WWC1: variants seen among roughly 807,000 people sequenced by gnomAD.
WWC1 encodes the protein WW and C2 domain containing 1, also known as protein KIBRA.
In WWC1, 55 loss-of-function variants were observed where a neutral mutation model predicts 138.4. That is an observed-to-expected ratio of 0.40 (90% confidence interval 0.32 to 0.50). The LOEUF (loss-of-function observed/expected upper bound fraction) is 0.50, where lower values mean the gene tolerates loss of function less well. Ranked by LOEUF, WWC1 falls within the 20% of genes least tolerant of loss-of-function variation. The pLI is 0.72. For synonymous variants in WWC1, 524 were observed against 564.9 expected (o/e 0.93, Z 1.03); for missense variants, 1,226 against 1,420.4 (o/e 0.86, Z 2.20).
rs560365430 is a variant in WWC1, at chr5:168,339,904, TC to T, written c.120-31519del. On this transcript the variant is annotated intron_variant, in intron 1 of 22. Transcript: ENST00000265293. Reference sequence around the variant, plus strand: ...CTCTCCCTCTCTCTCTGTCTCTCTCTCTTTCTCTCTCTCTCTCTCTTTCTCT... The same window carrying T: ...CTCTCCCTCTCTCTCTGTCTCTCTCTTTTCTCTCTCTCTCTCTCTTTCTCT... Among the ~76,000 whole-genome samples the T allele has an allele frequency of 5.4e-4, 45 of 84,062 alleles. 1 individual carries two copies. Among genetic ancestry groups the T allele is most frequent in the Middle Eastern group, 5.6e-3 (1 of 178 alleles). The allele number at this position is 84,062 out of a possible 152,430, so 55.1% of individuals were successfully genotyped here.
At chr5:168,410,217 T>G in intron 8 of WWC1, 2 of 523,878 alleles carry the variant, frequency 3.8e-6, no homozygotes, top group Non-Finnish European at 6.7e-6. Context: ...AACTATGCTT[T>G]GAACCCAGAT....
At chr5:168,297,768 A>G (rs1936641591) in intron 1 of WWC1, among the ~76,000 whole-genome samples, 1 of 152,184 alleles carries the variant, frequency 6.6e-6, no homozygotes. Flanking sequence ...ACTAAAAGTC[A>G]GATCTATGTC....
chr5:168,300,581 GA>G (rs111744543), intron 1 of WWC1, among the ~76,000 whole-genome samples: 40,192 of 137,094 alleles, frequency 0.29, 5,631 homozygotes, highest in Admixed American at 0.37. Flanking sequence ...TGGTCAGCCA[GA>G]AAAAAAAAAA....
intron 15 of WWC1, among the ~76,000 whole-genome samples, chr5:168,436,863 C>CT (rs1782390991): frequency 1.3e-5 from 2 of 152,242 alleles, no homozygotes; most frequent in African/African-American, 2.4e-5. Flanking sequence ...TCCCCTTCCT[C>CT]TTTTTTCAAC....
chr5:168,465,585 G>A (rs1463326759), intron 21 of WWC1, among the ~76,000 whole-genome samples: 1 of 55,530 alleles, frequency 1.8e-5, no homozygotes, highest in Non-Finnish European at 3.4e-5. Flanking sequence ...TTGGAGATGG[G>A]TTTTCTCTCT....
intron 1 of WWC1, among the ~76,000 whole-genome samples, chr5:168,348,350 G>A (rs1033280048): frequency 1.3e-5 from 2 of 152,230 alleles, no homozygotes; most frequent in African/African-American, 4.8e-5. Context: ...GCCAAGGAGG[G>A]GCACATCCTC....
Position 168,445,291 on chromosome 5 carries a change from G to A in WWC1, c.2525+706G>A, listed in dbSNP as rs542578508. ...ATTGCACCACTGCACTCCAACCTGG[G>A]TGATAGAGCAAAAAAACAAAAGAAA... On this transcript the variant is annotated intron_variant, in intron 17 of 22. Transcript: ENST00000265293. Among the ~76,000 whole-genome samples the A allele has an allele frequency of 3.9e-5, 6 of 152,144 alleles. No homozygotes were observed. The South Asian group carries it at 1.2e-3, about 32-fold the overall frequency.
Position 168,455,520 on chromosome 5 carries a change from G to C in WWC1, c.2823G>C (p.Arg941=), listed in dbSNP as rs150513320. 1 of 1,612,162 alleles carries C rather than the reference G, an allele frequency of 6.2e-7. No individual in the cohort carries two copies. Among genetic ancestry groups the C allele is most frequent in the Non-Finnish European group, 8.5e-7 (1 of 1,179,208 alleles). ...SPGPQSQYVC[R]LNRSDSDSST... ...GACCCCAGAGCCAGTACGTGTGCCG[G>C]GTAAGTGAGCGTGCGGCCCTCTTCT... The change falls in exon 19 of 23, where the codon CGG becomes CGC. Residue 941 remains arginine, a splice_region_variant and synonymous_variant. Transcript: ENST00000265293.
At chr5:168,345,843 T>C (rs1486661028) in intron 1 of WWC1, among the ~76,000 whole-genome samples, 1 of 152,212 alleles carries the variant, frequency 6.6e-6, no homozygotes, top group Non-Finnish European at 1.5e-5. Context: ...TATCCAGTCA[T>C]TGACTTTCCC....
At chr5:168,437,064 G>A (rs558417939) in intron 15 of WWC1, among the ~76,000 whole-genome samples, 4 of 129,080 alleles carry the variant, frequency 3.1e-5, no homozygotes, top group East Asian at 2.9e-4. Flanking sequence ...CTCCAGCCTC[G>A]TGTTCCTTGA....
At chr5:168,313,168 C>T (rs1771267860) in intron 1 of WWC1, among the ~76,000 whole-genome samples, 1 of 152,148 alleles carries the variant, frequency 6.6e-6, no homozygotes, top group Admixed American at 6.5e-5. Flanking sequence ...TGGCAGTTCA[C>T]AGGGCCTGGT....
intron 14 of WWC1, among the ~76,000 whole-genome samples, chr5:168,430,466 G>A (rs922980917): frequency 2.0e-5 from 3 of 152,176 alleles, no homozygotes; most frequent in Non-Finnish European, 2.9e-5. Context: ...GCCCCATTAC[G>A]TGCTGAGCAC....
Position 168,292,270 on chromosome 5 carries a change from A to G in WWC1, c.118A>G (p.Arg40Gly). The G allele has an allele frequency of 6.3e-7, 1 of 1,596,430 alleles. No homozygotes were observed. ...RTTSWIDPRD[R>G]YTKPLTFADC... ...CACCAGCTGGATCGACCCGCGGGAC[A>G]GGTAGGACCCTGGAACCCTCCTCCG... is the stretch of plus-strand genomic sequence containing the variant. Residue 40 changes from arginine (R) to glycine (G), a missense_variant and splice_region_variant, in exon 1 of 23, where the codon AGG (arginine) becomes GGG (glycine). Arg to Gly is a moderately radical substitution (Grantham distance 125). Coordinates refer to ENST00000265293, the MANE Select transcript of WWC1 (RefSeq NM_015238.3). The surrounding 1 kb of genome is among the most constrained non-coding windows in gnomAD (Gnocchi z 4.4).
At chr5:168,389,339 C>G (rs533920944) in intron 3 of WWC1, among the ~76,000 whole-genome samples, 1 of 150,914 alleles carries the variant, frequency 6.6e-6, no homozygotes, top group Admixed American at 6.6e-5. Context: ...CCCAGCTACT[C>G]GGGAGGCTGA....
At chr5:168,459,470 C>T (rs1294340683) in intron 19 of WWC1, among the ~76,000 whole-genome samples, 1 of 152,074 alleles carries the variant, frequency 6.6e-6, no homozygotes, top group Non-Finnish European at 1.5e-5. Context: ...TTTTGATGCT[C>T]CCCAGCTGTT....
chr5:168,316,841 G>A (rs1771642101), intron 1 of WWC1: 1 of 152,170 alleles, frequency 6.6e-6, no homozygotes, highest in Admixed American at 6.5e-5. Flanking sequence ...AGTTTCTTTT[G>A]TGCTTTTTTC....
Position 168,422,260 on chromosome 5 carries a change from G to A in WWC1, c.1274+163G>A, listed in dbSNP as rs113624892. On this transcript the variant is annotated intron_variant, in intron 10 of 22. Coordinates refer to ENST00000265293, the MANE Select transcript of WWC1 (RefSeq NM_015238.3). ...TGTCAGCAGACTCGGGCGTGGCCTG[G>A]TGTAGCTAGGAATAGGGGTCTTGAC... 9.5e-3 allele frequency among the ~76,000 whole-genome samples: 1,451 copies of A among 152,346 alleles called. 20 individuals are homozygous for A. Among genetic ancestry groups the A allele is most frequent in the African/African-American group, 0.033 (1,390 of 41,578 alleles).
chr5:168,300,343 C>T (rs1428758227), intron 1 of WWC1, among the ~76,000 whole-genome samples: 1 of 151,832 alleles, frequency 6.6e-6, no homozygotes, highest in African/African-American at 2.4e-5. Context: ...GGAGAATATT[C>T]TCTAAAGATG....
intron 1 of WWC1, among the ~76,000 whole-genome samples, chr5:168,320,602 G>T (rs114117482): frequency 8.7e-4 from 132 of 152,308 alleles, no homozygotes; most frequent in Non-Finnish European, 1.4e-3. Context: ...ACATGTGTAA[G>T]ACTCTGTGTG....
Sources: allele counts gnomAD v4.1 joint callset (sites outside exome capture counted in the v4.1 genomes callset), GRCh38; gene constraint gnomAD v4.1.1; non-coding constraint Gnocchi (gnomAD v3.1); transcripts MANE v1.5; gene names NCBI Gene and HGNC (gene_info 2026-07-23, HGNC 2026-07-21).